Variants in C5orf34 observed in about 807,000 individuals in gnomAD.
C5orf34 encodes chromosome 5 open reading frame 34.
C5orf34 carries 73 observed loss-of-function variants against 78.4 expected under a neutral mutation model. The observed-to-expected ratio is 0.93, with a 90% CI of 0.77 to 1.13. C5orf34 has a LOEUF of 1.13. Ranked by LOEUF, C5orf34 falls within the 50% of genes most tolerant of loss-of-function variation. C5orf34 has a pLI of 0.00. For missense variants in C5orf34, 730 were observed against 732.7 expected (o/e 1.00, Z 0.04); for synonymous variants, 251 against 246.6 (o/e 1.02, Z -0.17).
In C5orf34 at chr5:43,506,236, C is replaced by CA. The variant is rs763526158; in HGVS notation, c.443dup (p.Leu148PhefsTer3). On this transcript the variant is annotated frameshift_variant, in exon 4 of 13. Coordinates refer to ENST00000306862, the MANE Select transcript of C5orf34 (RefSeq NM_198566.4). LOFTEE classifies it high-confidence loss of function. ...AGTCTGACTTCTGGCTAACTTTACA[C>CA]AAAAAATGTACTGTAAATTCATGCT... The CA allele has an allele frequency of 7.4e-6, 12 of 1,614,002 alleles. No individual in the cohort carries two copies. Among genetic ancestry groups the CA allele is most frequent in the Non-Finnish European group, 1.0e-5 (12 of 1,180,032 alleles).
chr5:43,488,866 C>T (rs1193891745), intron 11 of C5orf34, among the ~76,000 whole-genome samples: 1 of 152,100 alleles, frequency 6.6e-6, no homozygotes, highest in African/African-American at 2.4e-5. Flanking sequence ...CTAAAATATT[C>T]AAGTCACCAG....
At chr5:43,487,408 G>A (rs1445179976) in intron 12 of C5orf34, among the ~76,000 whole-genome samples, 1 of 152,034 alleles carries the variant, frequency 6.6e-6, no homozygotes, top group African/African-American at 2.4e-5. Flanking sequence ...AAATGACACG[G>A]GAATTAAAGA....
At chr5:43,503,834 G>T in intron 4 of C5orf34, 74 bp from the exon 5 acceptor site, 1 of 917,378 alleles carries the variant, frequency 1.1e-6, no homozygotes. Context: ...ACAAAATGTT[G>T]CTACTGTAAC....
chr5:43,502,692 T>A (rs1172697172), intron 5 of C5orf34, among the ~76,000 whole-genome samples, 197 bp from the exon 6 acceptor site: 1 of 152,220 alleles, frequency 6.6e-6, no homozygotes, highest in East Asian at 1.9e-4. Flanking sequence ...TAAATAGAAT[T>A]GGCTTATGCA....
chr5:43,504,435 AAAG>A (rs1745895250), intron 4 of C5orf34, among the ~76,000 whole-genome samples: 1 of 152,242 alleles, frequency 6.6e-6, no homozygotes, highest in Admixed American at 6.5e-5. Flanking sequence ...CATTGAGTGT[AAAG>A]AAGAGGCAAG....
chr5:43,503,970 G>T (rs1213547329), intron 4 of C5orf34, among the ~76,000 whole-genome samples: 3 of 151,682 alleles, frequency 2.0e-5, no homozygotes, highest in African/African-American at 7.3e-5. Context: ...TCTCATTATT[G>T]AATCTCAGCA....
intron 1 of C5orf34, among the ~76,000 whole-genome samples, chr5:43,513,992 A>C (rs893126659): frequency 4.6e-5 from 7 of 152,380 alleles, no homozygotes; most frequent in African/African-American, 1.7e-4. Context: ...GTATTAGGCA[A>C]ATAGTAAATG....
At chr5:43,494,106 C>A (rs948181424) in intron 7 of C5orf34, among the ~76,000 whole-genome samples, 2 of 152,106 alleles carry the variant, frequency 1.3e-5, no homozygotes, top group Admixed American at 1.3e-4. Context: ...ACCAAAGAAC[C>A]AATCTATGCT....
At chr5:43,500,681 C>T (rs1234941496) in intron 6 of C5orf34, among the ~76,000 whole-genome samples, 1 of 152,206 alleles carries the variant, frequency 6.6e-6, no homozygotes, top group Non-Finnish European at 1.5e-5. Flanking sequence ...CAGGCATAAG[C>T]CACTGTGCCC....
intron 4 of C5orf34, 59 bp downstream of exon 4, chr5:43,505,689 T>C: frequency 7.0e-7 from 1 of 1,437,392 alleles, no homozygotes. Context: ...AAGAAAATTA[T>C]CCAGGTTAAG....
At chr5:43,492,081 C>A (rs993487502) in intron 10 of C5orf34, 134 bp downstream of exon 10, 1 of 516,714 alleles carries the variant, frequency 1.9e-6, no homozygotes, top group Non-Finnish European at 3.4e-6. Context: ...AACTCTGAAA[C>A]GACTGAAATG....
At chr5:43,496,068 C>T (rs1476905702) in intron 6 of C5orf34, 2 of 1,577,806 alleles carry the variant, frequency 1.3e-6, no homozygotes, top group Non-Finnish European at 1.7e-6. Context: ...CAGGTCTGCC[C>T]ATTCTTGGAG....
chr5:43,506,482 A>G (rs191873836), intron 3 of C5orf34, 88 bp from the exon 4 acceptor site: 1 of 1,306,598 alleles, frequency 7.7e-7, no homozygotes, highest in Non-Finnish European at 1.0e-6. Context: ...ATTGTGTAAG[A>G]AAGCTCTTAA....
chr5:43,492,100 A>G (rs992949233), intron 10 of C5orf34, 115 bp downstream of exon 10: 28 of 660,848 alleles, frequency 4.2e-5, no homozygotes, highest in Non-Finnish European at 6.9e-5. Context: ...TGCCTTCATT[A>G]TTATCCACAT....
At chr5:43,493,767 C>T (rs906888483) in intron 7 of C5orf34, among the ~76,000 whole-genome samples, 155 bp from the exon 8 acceptor site, 4 of 152,040 alleles carry the variant, frequency 2.6e-5, no homozygotes, top group Admixed American at 2.6e-4. Flanking sequence ...ATCCTTAAGC[C>T]CCTAGAAGGG....
intron 2 of C5orf34, 93 bp from the exon 3 acceptor site, chr5:43,508,759 C>T: frequency 2.4e-6 from 2 of 822,886 alleles, no homozygotes; most frequent in East Asian, 2.5e-5. Flanking sequence ...ATACTAATTA[C>T]TTTTCATATT....
rs752209315 is a variant in C5orf34, at chr5:43,505,977, A to G, written c.703T>C (p.Tyr235His). The G allele has an allele frequency of 6.2e-7, 1 of 1,614,218 alleles. No homozygotes were observed. Among genetic ancestry groups the G allele is most frequent in the Non-Finnish European group, 8.5e-7 (1 of 1,180,046 alleles). ...PSPGTKHTCV[Y>H]TWVKQCWSVA... ...GACCAGCACTGCTTGACCCATGTGT[A>G]TACACATGTGTGCTTTGTACCAGGC... Residue 235 changes from tyrosine to histidine, a missense_variant, in exon 4 of 13, where the codon TAC (tyrosine) becomes CAC (histidine). By Grantham distance (83) the Tyr-to-His change is moderately conservative. Transcript: ENST00000306862.
chr5:43,489,151 C>T (rs556381759), intron 11 of C5orf34, among the ~76,000 whole-genome samples: 1 of 151,712 alleles, frequency 6.6e-6, no homozygotes, highest in South Asian at 2.1e-4. Context: ...AACAATACAA[C>T]CTTTATTGTT....
chr5:43,506,045 ATCT>A lies in C5orf34; in HGVS notation c.632_634del (p.Lys211del). On this transcript the variant is annotated inframe_deletion, in exon 4 of 13. Transcript: ENST00000306862. ...CCCTTCAGTTCCATTTACACAACTCATCTTCTTTAAAGTTTCTTTGGATTTCAT... is the reference window on the plus strand; with the variant it reads ...CCCTTCAGTTCCATTTACACAACTCATCTTTAAAGTTTCTTTGGATTTCAT... The A allele has an allele frequency of 1.2e-6, 2 of 1,614,110 alleles. No individual in the cohort carries two copies. The highest frequency in any genetic ancestry group is 8.5e-7 in the Non-Finnish European group (1 of 1,180,018).
Sources: gnomAD v4.1 joint callset for allele counts (sites outside exome capture counted in the v4.1 genomes callset) on GRCh38, gnomAD v4.1.1 for gene constraint, MANE v1.5 for transcripts, NCBI Gene and HGNC (gene_info 2026-07-23, HGNC 2026-07-21) for gene names.